GLIS3: variants seen among roughly 807,000 people sequenced by gnomAD.
GLIS3 encodes the protein GLIS family zinc finger 3, also known as zinc finger protein GLIS3.
A neutral mutation model predicts 78.6 loss-of-function variants in GLIS3; 53 were observed. That is an observed-to-expected ratio of 0.67 (90% CI 0.54 to 0.85). The LOEUF is 0.85. GLIS3 is among the 40% of genes least tolerant of loss of function. The pLI, the probability that GLIS3 is intolerant of heterozygous loss-of-function variation, is 0.00. For missense variants in GLIS3, 1,703 were observed against 1,231.1 expected, an observed-to-expected ratio of 1.38 and a Z score of -5.74; for synonymous variants, 684 against 509.9, an observed-to-expected ratio of 1.34 and a Z score of -4.60.
chr9:4,322,734 C>T (rs1389704533), intron 2 of GLIS3, among the ~76,000 whole-genome samples: 1 of 152,154 alleles, frequency 6.6e-6, no homozygotes, highest in East Asian at 1.9e-4. Flanking sequence ...TGCTCTTATA[C>T]TTTGCCCACT....
intron 4 of GLIS3, among the ~76,000 whole-genome samples, chr9:4,029,310 C>A (rs1823613560): frequency 6.6e-6 from 1 of 151,610 alleles, no homozygotes; most frequent in Admixed American, 6.6e-5. Context: ...TGCTCCCCAT[C>A]ATTTTTAAAA....
chr9:4,408,853 G>C, the GLIS3 span, among the ~76,000 whole-genome samples: 2 of 151,486 alleles, frequency 1.3e-5, no homozygotes, highest in Admixed American at 6.6e-5. Flanking sequence ...TAATTGGATT[G>C]TTTGTAACAT....
In GLIS3 at chr9:4,162,854, CAAAAAAAAAA is replaced by C. The variant is rs35310357; in HGVS notation, c.389-36923_389-36914del. 1.4e-3 allele frequency among the ~76,000 whole-genome samples: 107 copies of C among 73,882 alleles called. 1 individual carries two copies. Among genetic ancestry groups the C allele is most frequent in the Non-Finnish European group, 1.8e-3 (71 of 40,048 alleles). 48.5% of individuals were successfully genotyped at this position (73,882 alleles called of 152,430 possible). A position where few individuals can be genotyped will look rare whatever the true frequency, so the allele number is the denominator to read the frequency against. The stretch of plus-strand genomic sequence containing the variant: ...CCCGGGCGACAGAGTCTCGCTCTGT[CAAAAAAAAAA>C]AAAAAAAAAAAAAAAAATCAATCGC... On this transcript the variant is annotated intron_variant, in intron 2 of 10. Coordinates refer to ENST00000381971, the MANE Select transcript of GLIS3 (RefSeq NM_001042413.2).
rs982543303 is a variant in GLIS3 at position 3,826,345 on chromosome 9, C to A, written c.*1927G>T. On this transcript the variant is annotated 3_prime_UTR_variant, in exon 11 of 11. Transcript: ENST00000381971. ...TAGCTGTGAGCATGCATATGTTAGGCCACTTGTTTAGGCCAAGTGACACGA... is the reference window on the plus strand; with the variant it reads ...TAGCTGTGAGCATGCATATGTTAGGACACTTGTTTAGGCCAAGTGACACGA... 1 of 152,174 alleles carries A rather than the reference C, an allele frequency of 6.6e-6. No homozygotes were observed. Among genetic ancestry groups the A allele is most frequent in the African/African-American group, 2.4e-5 (1 of 41,444 alleles). The allele number at this position is 152,174 out of a possible 1,614,324, so 9.4% of individuals were successfully genotyped here. A position where few individuals can be genotyped will look rare whatever the true frequency, so the allele number is the denominator to read the frequency against.
chr9:3,889,605 T>C (rs2130535827), intron 7 of GLIS3, among the ~76,000 whole-genome samples: 1 of 152,342 alleles, frequency 6.6e-6, no homozygotes, highest in South Asian at 2.1e-4. Context: ...ATCCACTTTA[T>C]GGATGCCTTG....
chr9:4,159,649 G>A lies in GLIS3; in HGVS notation c.389-33708C>T, dbSNP rs186877687. ...CAGGGAAATTGCTTGAATCCGGGAGGCAGAGGTTGCAGTGAGCCGAGATCG... is the reference window on the plus strand; with the variant it reads ...CAGGGAAATTGCTTGAATCCGGGAGACAGAGGTTGCAGTGAGCCGAGATCG... On this transcript the variant is annotated intron_variant, in intron 2 of 10. Coordinates refer to ENST00000381971, the MANE Select transcript of GLIS3 (RefSeq NM_001042413.2). Among the ~76,000 whole-genome samples, 222 of 152,100 alleles carry A rather than the reference G, an allele frequency of 1.5e-3. 2 individuals carry two copies. Among genetic ancestry groups the A allele is most frequent in the African/African-American group, 4.8e-3 (201 of 41,520 alleles).
chr9:4,096,941 G>C (rs1423039069), intron 4 of GLIS3, among the ~76,000 whole-genome samples: 3 of 152,332 alleles, frequency 2.0e-5, no homozygotes, highest in East Asian at 1.9e-4. Flanking sequence ...GGACCCAGGA[G>C]GCAGAGGTGG....
At chr9:3,971,329 G>A (rs1488303555) in intron 4 of GLIS3, among the ~76,000 whole-genome samples, 2 of 152,162 alleles carry the variant, frequency 1.3e-5, no homozygotes, top group African/African-American at 2.4e-5. Flanking sequence ...TGCTTTAATG[G>A]TGTCACTGGC....
chr9:3,897,997 C>T (rs1365706522), intron 7 of GLIS3, among the ~76,000 whole-genome samples: 1 of 152,110 alleles, frequency 6.6e-6, no homozygotes, highest in African/African-American at 2.4e-5. Flanking sequence ...TATGTAAGGA[C>T]AATCACTAAT....
chr9:4,391,546 G>A, the GLIS3 span, among the ~76,000 whole-genome samples: 1 of 141,758 alleles, frequency 7.1e-6, no homozygotes, highest in Non-Finnish European at 1.5e-5. Context: ...TCCATTCTAA[G>A]AGGGGTGTGT....
chr9:4,353,735 TG>T, the GLIS3 span, among the ~76,000 whole-genome samples: 28 of 152,182 alleles, frequency 1.8e-4, no homozygotes, highest in Admixed American at 5.2e-4. Flanking sequence ...GTCGTTTTTC[TG>T]GGGGCCTCCT....
intron 9 of GLIS3, among the ~76,000 whole-genome samples, chr9:3,830,435 T>C (rs1261692970): frequency 6.6e-6 from 1 of 152,260 alleles, no homozygotes; most frequent in Non-Finnish European, 1.5e-5. Context: ...CTGTTAACTC[T>C]CTACATTTCC....
intron 8 of GLIS3, 137 bp from the exon 9 acceptor site, chr9:3,856,321 T>A: frequency 2.6e-6 from 2 of 759,754 alleles, no homozygotes; most frequent in Non-Finnish European, 4.5e-6. Flanking sequence ...AAAAAATCTT[T>A]CAGGATTTTT....
chr9:3,938,412 CTT>C (rs1316428994), intron 4 of GLIS3, among the ~76,000 whole-genome samples: 1 of 152,138 alleles, frequency 6.6e-6, no homozygotes, highest in African/African-American at 2.4e-5. Context: ...GTATAAAACT[CTT>C]TGGTTCTCTT....
At chr9:3,844,808 A>G (rs569974534) in intron 9 of GLIS3, among the ~76,000 whole-genome samples, 1 of 152,352 alleles carries the variant, frequency 6.6e-6, no homozygotes, top group Non-Finnish European at 1.5e-5. Flanking sequence ...CAATGAAAAT[A>G]TAAAAAGATG....
intron 9 of GLIS3, among the ~76,000 whole-genome samples, chr9:3,843,742 T>C (rs1448682197): frequency 6.6e-6 from 1 of 152,198 alleles, no homozygotes; most frequent in Admixed American, 6.5e-5. Flanking sequence ...GATCCACAGA[T>C]GCAAAGAACC....
chr9:4,166,652 C>T (rs564493863), intron 2 of GLIS3, among the ~76,000 whole-genome samples: 3 of 152,288 alleles, frequency 2.0e-5, no homozygotes, highest in Admixed American at 1.3e-4. Context: ...ACGTCCCTTC[C>T]AGTTGGCACT....
chr9:4,321,371 G>A (rs528317959), intron 2 of GLIS3, among the ~76,000 whole-genome samples: 1 of 115,492 alleles, frequency 8.7e-6, no homozygotes, highest in Non-Finnish European at 1.6e-5. Context: ...GCAGGGAGCC[G>A]AGATGGCGCC....
chr9:4,233,740 G>A (rs953608955), intron 2 of GLIS3, among the ~76,000 whole-genome samples: 4 of 152,170 alleles, frequency 2.6e-5, no homozygotes, highest in African/African-American at 9.7e-5. Context: ...TTGAAGCCAG[G>A]CATTGACTTC....
Sources: allele counts gnomAD v4.1 joint callset (sites outside exome capture counted in the v4.1 genomes callset), GRCh38; gene constraint gnomAD v4.1.1; transcripts MANE v1.5; gene names NCBI Gene and HGNC (gene_info 2026-07-23, HGNC 2026-07-21).